MALRD1: variants seen among roughly 807,000 people sequenced by gnomAD.
The protein encoded by MALRD1 is MAM and LDL receptor class A domain containing 1, also known as MAM and LDL-receptor class A domain-containing protein 1.
MALRD1 carries 247 observed loss-of-function variants against 242.1 expected under a neutral mutation model. That is an observed-to-expected ratio of 1.02 (90% CI 0.92 to 1.13). The LOEUF (loss-of-function observed/expected upper bound fraction) is 1.13. Among genes scored for constraint, MALRD1 ranks in the 50% most tolerant of loss-of-function variants. The probability of loss-of-function intolerance (pLI) is 0.00; values close to 1 mark genes in which losing one functional copy is unlikely to be tolerated. For missense variants in MALRD1, 2,989 were observed against 2,533.1 expected (o/e 1.18, Z -3.86); for synonymous variants, 995 against 866.6 (o/e 1.15, Z -2.60).
intron 34 of MALRD1, among the ~76,000 whole-genome samples, chr10:19,600,507 A>C (rs889418621): frequency 6.6e-6 from 1 of 152,210 alleles, no homozygotes; most frequent in Non-Finnish European, 1.5e-5. Context: ...GAATAAAATA[A>C]ATACCCATCC....
chr10:19,048,732 C>T (rs1477769967), upstream of MALRD1: 1 of 377,056 alleles, frequency 2.7e-6, no homozygotes, highest in African/African-American at 2.1e-5. Context: ...AGCGTAATTA[C>T]TCAAGTTAAA....
In MALRD1 at chr10:19,368,890, TTTGTGTGTG is replaced by T. The variant is rs1564599869; in HGVS notation, c.4441+16595_4441+16603del. ...TTGTGTATGTGTGTGTGTGTGTGTG[TTTGTGTGTG>T]TGTGTGTGTGTGTGTGTGTGTGTAT... is the stretch of plus-strand genomic sequence containing the variant. On this transcript the variant is annotated intron_variant, in intron 26 of 39. Transcript: ENST00000454679. Among the ~76,000 whole-genome samples the T allele has an allele frequency of 2.2e-3, 314 of 142,372 alleles. 1 individual carries two copies. The highest frequency in any genetic ancestry group is 7.3e-3 in the African/African-American group (281 of 38,392). 93.4% of individuals were successfully genotyped at this position (142,372 alleles called of 152,430 possible).
chr10:19,519,390 G>C (rs770818073), intron 31 of MALRD1, among the ~76,000 whole-genome samples: 2 of 152,038 alleles, frequency 1.3e-5, no homozygotes, highest in Non-Finnish European at 2.9e-5. Flanking sequence ...AGTATAAAAT[G>C]AACAGTTATT....
At chr10:19,356,000 A>G (rs1201020453) in intron 26 of MALRD1, among the ~76,000 whole-genome samples, 1 of 150,582 alleles carries the variant, frequency 6.6e-6, no homozygotes, top group Non-Finnish European at 1.5e-5. Flanking sequence ...TTTTAAGCAG[A>G]GTGTAATTCG....
At chr10:19,116,795 TAAGAGA>T (rs1836884852) in intron 5 of MALRD1, among the ~76,000 whole-genome samples, 1 of 152,090 alleles carries the variant, frequency 6.6e-6, no homozygotes, top group Admixed American at 6.5e-5. Context: ...AAAGTAAGAA[TAAGAGA>T]AAAAGAGTTG....
intron 14 of MALRD1, among the ~76,000 whole-genome samples, chr10:19,179,808 A>G (rs1282647475): frequency 6.6e-6 from 1 of 152,198 alleles, no homozygotes; most frequent in Non-Finnish European, 1.5e-5. Flanking sequence ...ATAGTGTATC[A>G]ATAAATAGTT....
intron 21 of MALRD1, among the ~76,000 whole-genome samples, chr10:19,305,837 A>C (rs1016669613): frequency 1.9e-4 from 26 of 136,734 alleles, no homozygotes; most frequent in Non-Finnish European, 3.5e-4. Flanking sequence ...TATATACTAT[A>C]TATTATGTAT....
At chr10:19,562,427 A>T (rs1836022362) in intron 32 of MALRD1, among the ~76,000 whole-genome samples, 1 of 152,110 alleles carries the variant, frequency 6.6e-6, no homozygotes, top group Admixed American at 6.5e-5. Flanking sequence ...GTGTCCTCAA[A>T]AGAGTTCCTC....
At chr10:19,455,877 T>A (rs187203668) in intron 29 of MALRD1, among the ~76,000 whole-genome samples, 1 of 152,294 alleles carries the variant, frequency 6.6e-6, no homozygotes, top group Admixed American at 6.5e-5. Flanking sequence ...ATTTTTCTTT[T>A]TCCCTTTTCA....
intron 19 of MALRD1, among the ~76,000 whole-genome samples, chr10:19,277,550 C>A (rs1261061744): frequency 6.6e-6 from 1 of 152,052 alleles, no homozygotes; most frequent in Non-Finnish European, 1.5e-5. Flanking sequence ...TGTTTACTAG[C>A]TGAGGAAATA....
intron 26 of MALRD1, among the ~76,000 whole-genome samples, chr10:19,380,583 C>T (rs1451831588): frequency 6.6e-6 from 1 of 152,034 alleles, no homozygotes; most frequent in Admixed American, 6.6e-5. Context: ...CTTCCTCTTA[C>T]ATTTTTATAT....
At chr10:19,257,899 T>A (rs1839589127) in intron 19 of MALRD1, 128 bp downstream of exon 19, 1 of 592,330 alleles carries the variant, frequency 1.7e-6, no homozygotes, top group African/African-American at 1.9e-5. Flanking sequence ...TTCTCAAAAC[T>A]ATTAACTCTG....
intron 21 of MALRD1, among the ~76,000 whole-genome samples, chr10:19,298,207 G>C (rs1415890594): frequency 2.0e-5 from 3 of 151,898 alleles, no homozygotes; most frequent in Non-Finnish European, 4.4e-5. Flanking sequence ...AGCCTAAGAG[G>C]CTTCCTTGCT....
At chr10:19,604,414 G>T (rs572258658) in intron 34 of MALRD1, among the ~76,000 whole-genome samples, 21 of 152,242 alleles carry the variant, frequency 1.4e-4, no homozygotes, top group African/African-American at 5.1e-4. Flanking sequence ...CTAATCTATG[G>T]CAAAGTTCTA....
At chr10:19,232,393 G>A (rs1318901902) in intron 18 of MALRD1, among the ~76,000 whole-genome samples, 1 of 150,798 alleles carries the variant, frequency 6.6e-6, no homozygotes, top group Non-Finnish European at 1.5e-5. Flanking sequence ...GGCAAGGCCA[G>A]TCTCCAATTC....
chr10:19,064,837 T>A (rs1158875668), intron 1 of MALRD1, among the ~76,000 whole-genome samples: 2 of 151,888 alleles, frequency 1.3e-5, no homozygotes, highest in Non-Finnish European at 2.9e-5. Context: ...TTTATTTTAT[T>A]GAATTGTAGC....
chr10:19,709,378 T>C (rs1834009238), intron 38 of MALRD1, among the ~76,000 whole-genome samples: 1 of 151,916 alleles, frequency 6.6e-6, no homozygotes, highest in Non-Finnish European at 1.5e-5. Context: ...GATTGGAGAT[T>C]GGCCACTGCA....
intron 28 of MALRD1, among the ~76,000 whole-genome samples, chr10:19,438,595 C>T (rs987770481): frequency 2.0e-5 from 3 of 152,174 alleles, no homozygotes; most frequent in Non-Finnish European, 4.4e-5. Context: ...TCTACAGTGA[C>T]TGTACCATTC....
At chr10:19,552,308 A>G (rs7913304) in intron 32 of MALRD1, among the ~76,000 whole-genome samples, 126,862 of 152,076 alleles carry the variant, frequency 0.83, 52,954 homozygotes, top group Admixed American at 0.85. Flanking sequence ...TTCAGGGTGT[A>G]TATGTCCAGA....
Sources: allele counts gnomAD v4.1 joint callset (sites outside exome capture counted in the v4.1 genomes callset), GRCh38; gene constraint gnomAD v4.1.1; transcripts MANE v1.5; gene names NCBI Gene and HGNC (gene_info 2026-07-23, HGNC 2026-07-21).